The following ITGA9 variants were observed in gnomAD, a reference collection of about 807,000 sequenced individuals.
ITGA9 encodes integrin alpha-9.
A neutral mutation model predicts 127.8 loss-of-function variants in ITGA9; 56 were observed. That is an observed-to-expected ratio of 0.44 (90% confidence interval 0.35 to 0.55). The LOEUF is 0.55. ITGA9 is among the 20% of genes least tolerant of loss of function. The probability of loss-of-function intolerance (pLI) is 0.00; values close to 1 mark genes in which losing one functional copy is unlikely to be tolerated. For missense variants in ITGA9, 1,196 were observed against 1,347.1 expected (o/e 0.89, Z 1.76); for synonymous variants, 508 against 514.5 (o/e 0.99, Z 0.17).
intron 4 of ITGA9, 39 bp downstream of exon 4, chr3:37,481,646 C>T (rs199746515): frequency 6.2e-7 from 1 of 1,613,796 alleles, no homozygotes; most frequent in East Asian, 2.2e-5. Context: ...CCCTACCCAC[C>T]TCATGCCCTA....
intron 15 of ITGA9, among the ~76,000 whole-genome samples, chr3:37,590,478 T>C (rs1198374867): frequency 6.6e-6 from 1 of 152,180 alleles, no homozygotes; most frequent in Non-Finnish European, 1.5e-5. Context: ...CCCATGGGGT[T>C]TCACAGCTCA....
intron 15 of ITGA9, among the ~76,000 whole-genome samples, chr3:37,577,906 C>A (rs1050506352): frequency 6.6e-6 from 1 of 152,310 alleles, no homozygotes; most frequent in East Asian, 1.9e-4. Flanking sequence ...TGGAGGGCTT[C>A]AGTATTATCT....
intron 27 of ITGA9, among the ~76,000 whole-genome samples, chr3:37,810,225 A>G (rs1697350216): frequency 6.6e-6 from 1 of 152,322 alleles, no homozygotes; most frequent in East Asian, 1.9e-4. Flanking sequence ...GAATCGTGAC[A>G]TGGTACTGAA....
intron 15 of ITGA9, among the ~76,000 whole-genome samples, chr3:37,559,296 A>G (rs1428221928): frequency 2.6e-5 from 4 of 151,998 alleles, no homozygotes; most frequent in Admixed American, 6.6e-5. Context: ...ACACACACAT[A>G]TACACCCCAT....
intron 4 of ITGA9, among the ~76,000 whole-genome samples, chr3:37,489,501 A>G (rs1203292284): frequency 6.6e-6 from 1 of 152,184 alleles, no homozygotes; most frequent in Non-Finnish European, 1.5e-5. Flanking sequence ...TTTAATTCTA[A>G]GTTTCTGGCT....
At chr3:37,600,354 G>A (rs1481137293) in intron 15 of ITGA9, among the ~76,000 whole-genome samples, 1 of 152,184 alleles carries the variant, frequency 6.6e-6, no homozygotes, top group Non-Finnish European at 1.5e-5. Flanking sequence ...TAAGTGGGAT[G>A]TCAAGCCCCT....
intron 9 of ITGA9, among the ~76,000 whole-genome samples, chr3:37,517,261 A>G (rs188894904): frequency 6.6e-6 from 1 of 152,268 alleles, no homozygotes; most frequent in Non-Finnish European, 1.5e-5. Context: ...CTACCATGAC[A>G]TTCTCCTTCC....
chr3:37,681,086 C>T (rs910562669), intron 17 of ITGA9, among the ~76,000 whole-genome samples: 4 of 152,182 alleles, frequency 2.6e-5, no homozygotes, highest in African/African-American at 9.7e-5. Context: ...TTCCACCCCC[C>T]CAGAAATTAG....
chr3:37,793,388 C>T (rs1401743180), intron 26 of ITGA9, among the ~76,000 whole-genome samples: 8 of 106,174 alleles, frequency 7.5e-5, no homozygotes, highest in African/African-American at 3.2e-4. Context: ...CCAAACAGGT[C>T]AACACACACA....
intron 18 of ITGA9, among the ~76,000 whole-genome samples, chr3:37,716,653 C>G (rs569633371): frequency 1.3e-5 from 2 of 149,718 alleles, no homozygotes; most frequent in South Asian, 4.4e-4. Flanking sequence ...CCCTGCAGCT[C>G]ATCCTTTTTT....
chr3:37,469,543 A>C (rs1430584335), intron 1 of ITGA9, among the ~76,000 whole-genome samples: 1 of 152,212 alleles, frequency 6.6e-6, no homozygotes, highest in Non-Finnish European at 1.5e-5. Context: ...GAATGACAAC[A>C]TTATCCGCAC....
At position 37,480,704 on chromosome 3, in the gene ITGA9, G is replaced by A. The variant is rs547488543; in HGVS notation, c.421-780G>A. On this transcript the variant is annotated intron_variant, in intron 3 of 27. Transcript: ENST00000264741. ...TGTTTCTGTGGGTAGAAACATGGTTGAATATCAGCCATTCCTCCCTTCCCT... is the reference window on the plus strand; with the variant it reads ...TGTTTCTGTGGGTAGAAACATGGTTAAATATCAGCCATTCCTCCCTTCCCT... Among the ~76,000 whole-genome samples the A allele has an allele frequency of 6.6e-5, 10 of 152,298 alleles. No individual in the cohort carries two copies. The East Asian group carries it at 1.9e-3, about 29-fold the overall frequency.
At chr3:37,675,982 TCCACCCGCCTTGG>T (rs1399104218) in intron 17 of ITGA9, among the ~76,000 whole-genome samples, 1 of 152,150 alleles carries the variant, frequency 6.6e-6, no homozygotes, top group Non-Finnish European at 1.5e-5. Context: ...GATCTCATGA[TCCACCCGCCTTGG>T]CCTCCCAAAG....
chr3:37,644,886 C>A (rs1367344785), intron 16 of ITGA9, among the ~76,000 whole-genome samples: 1 of 152,124 alleles, frequency 6.6e-6, no homozygotes, highest in African/African-American at 2.4e-5. Context: ...TTTTAGAAAG[C>A]AACAGTGTAT....
chr3:37,512,234 T>G (rs1206911329), intron 8 of ITGA9, among the ~76,000 whole-genome samples: 1 of 140,852 alleles, frequency 7.1e-6, no homozygotes, highest in East Asian at 2.0e-4. Flanking sequence ...CTTTCTTTTC[T>G]TTCTTGACAG....
chr3:37,660,183 T>C (rs1008831984), intron 17 of ITGA9, among the ~76,000 whole-genome samples: 17 of 152,292 alleles, frequency 1.1e-4, no homozygotes, highest in African/African-American at 4.1e-4. Flanking sequence ...CCTCCTGGGA[T>C]TATTAGAGGA....
intron 18 of ITGA9, among the ~76,000 whole-genome samples, chr3:37,708,740 C>T (rs1164417038): frequency 0.019 from 2 of 108 alleles, no homozygotes; most frequent in East Asian, 0.33. Flanking sequence ...TGGATTATCC[C>T]TTTTTACACA....
intron 14 of ITGA9, among the ~76,000 whole-genome samples, chr3:37,534,369 G>A (rs2125587468): frequency 6.6e-6 from 1 of 152,358 alleles, no homozygotes; most frequent in East Asian, 1.9e-4. Flanking sequence ...CTGGGAACTT[G>A]TTAGAAATGC....
intron 24 of ITGA9, 73 bp downstream of exon 24, chr3:37,777,590 TTTA>T: frequency 3.9e-6 from 6 of 1,532,372 alleles, no homozygotes; most frequent in Non-Finnish European, 5.4e-6. Context: ...CTATTTGATA[TTTA>T]TTATTTCCTA....
Sources: gnomAD v4.1 joint callset for allele counts (sites outside exome capture counted in the v4.1 genomes callset) on GRCh38, gnomAD v4.1.1 for gene constraint, MANE v1.5 for transcripts, NCBI Gene and HGNC (gene_info 2026-07-23, HGNC 2026-07-21) for gene names.